Variants in MAGI2 observed in about 807,000 individuals in gnomAD.
The protein encoded by MAGI2 is membrane-associated guanylate kinase, WW and PDZ domain-containing protein 2.
MAGI2 carries 35 observed loss-of-function variants against 133.3 expected under a neutral mutation model. The observed-to-expected ratio is 0.26, with a 90% CI of 0.20 to 0.35. The LOEUF (loss-of-function observed/expected upper bound fraction) is 0.35. Among genes scored for constraint, MAGI2 ranks in the 10% least tolerant of loss-of-function variants. The pLI is 1.00. For synonymous variants in MAGI2, 729 were observed against 710.6 expected, an observed-to-expected ratio of 1.03 and a Z score of -0.41; for missense variants, 1,636 against 1,863.4, an observed-to-expected ratio of 0.88 and a Z score of 2.25.
At chr7:78,846,573 A>C (rs1332661893) in intron 2 of MAGI2, among the ~76,000 whole-genome samples, 1 of 151,996 alleles carries the variant, frequency 6.6e-6, no homozygotes, top group Non-Finnish European at 1.5e-5. Context: ...GGTAAAAAGC[A>C]CTTCACCAAT....
At chr7:79,176,213 C>A (rs1826080261) in intron 1 of MAGI2, among the ~76,000 whole-genome samples, 1 of 151,888 alleles carries the variant, frequency 6.6e-6, no homozygotes. Flanking sequence ...AAGGAAGGAC[C>A]TGCTGCCTCG....
chr7:79,090,123 C>A (rs973699218), intron 1 of MAGI2, among the ~76,000 whole-genome samples: 1 of 151,976 alleles, frequency 6.6e-6, no homozygotes, highest in African/African-American at 2.4e-5. Flanking sequence ...CTTAAAACAA[C>A]TCAAATTTAT....
intron 6 of MAGI2, among the ~76,000 whole-genome samples, chr7:78,433,525 C>G (rs1799988216): frequency 6.6e-6 from 1 of 152,018 alleles, no homozygotes; most frequent in Admixed American, 6.6e-5. Flanking sequence ...TATTTCCTCC[C>G]CCGAATTTTC....
chr7:78,234,672 A>C (rs1377265144), intron 10 of MAGI2, among the ~76,000 whole-genome samples: 1 of 151,848 alleles, frequency 6.6e-6, no homozygotes, highest in Non-Finnish European at 1.5e-5. Flanking sequence ...TGAAAAATGA[A>C]CATGACTTTA....
chr7:79,279,662 C>A (rs940125217), intron 1 of MAGI2, among the ~76,000 whole-genome samples: 2 of 152,140 alleles, frequency 1.3e-5, no homozygotes, highest in Non-Finnish European at 2.9e-5. Context: ...GAGCAAGACC[C>A]GATCTCAAAG....
At chr7:78,369,004 C>T (rs1046298194) in intron 7 of MAGI2, 152 bp downstream of exon 7, 28 of 494,058 alleles carry the variant, frequency 5.7e-5, no homozygotes, top group Admixed American at 2.8e-4. Flanking sequence ...AGGAAAGAAA[C>T]AGCTAGCTAG....
At chr7:79,118,167 C>A (rs1248679838) in intron 1 of MAGI2, among the ~76,000 whole-genome samples, 2 of 152,166 alleles carry the variant, frequency 1.3e-5, no homozygotes, top group Non-Finnish European at 2.9e-5. Context: ...GTTCTCACTT[C>A]CTTGGGCTAC....
intron 1 of MAGI2, among the ~76,000 whole-genome samples, chr7:79,307,686 T>C (rs1837934613): frequency 6.6e-6 from 1 of 152,196 alleles, no homozygotes; most frequent in Admixed American, 6.5e-5. Flanking sequence ...GAATCCTAGA[T>C]TCTTAACCTA....
chr7:78,959,930 T>C (rs755889967), intron 2 of MAGI2, among the ~76,000 whole-genome samples: 5 of 152,170 alleles, frequency 3.3e-5, no homozygotes, highest in African/African-American at 4.8e-5. Flanking sequence ...TAATTAATTA[T>C]TATAACCCAG....
chr7:79,401,336 T>C (rs1319016519), intron 1 of MAGI2, among the ~76,000 whole-genome samples: 2 of 152,174 alleles, frequency 1.3e-5, no homozygotes, highest in African/African-American at 4.8e-5. Flanking sequence ...ACAGCAAAAT[T>C]TATTGAATAA....
At chr7:79,351,040 G>A (rs1327261716) in intron 1 of MAGI2, among the ~76,000 whole-genome samples, 1 of 152,036 alleles carries the variant, frequency 6.6e-6, no homozygotes, top group Non-Finnish European at 1.5e-5. Context: ...CATACCTAAA[G>A]AGTATCTTCA....
At chr7:78,500,227 A>G (rs117452837) in intron 5 of MAGI2, among the ~76,000 whole-genome samples, 4,445 of 152,328 alleles carry the variant, frequency 0.029, 94 homozygotes, top group Non-Finnish European at 0.042. Flanking sequence ...TAACATTTCA[A>G]TTTCACAACT....
intron 2 of MAGI2, among the ~76,000 whole-genome samples, chr7:78,895,365 G>A (rs1797122408): frequency 6.6e-6 from 1 of 152,036 alleles, no homozygotes; most frequent in Admixed American, 6.6e-5. Context: ...CCCAGTCTCA[G>A]GTATTCCATT....
intron 1 of MAGI2, among the ~76,000 whole-genome samples, chr7:79,448,250 A>G (rs1848998065): frequency 6.6e-6 from 1 of 152,056 alleles, no homozygotes; most frequent in Admixed American, 6.6e-5. Context: ...ATTTATTGAT[A>G]TTATTCTTCA....
chr7:78,076,454 C>CAAAA (rs55957020), intron 21 of MAGI2, among the ~76,000 whole-genome samples: 28 of 90,380 alleles, frequency 3.1e-4, no homozygotes, highest in African/African-American at 9.0e-4. Context: ...GACCTTGTTT[C>CAAAA]AAAAAAAAAA....
chr7:79,184,088 T>C (rs1355152508), intron 1 of MAGI2, among the ~76,000 whole-genome samples: 1 of 151,734 alleles, frequency 6.6e-6, no homozygotes, highest in African/African-American at 2.4e-5. Context: ...AAGGTAACCA[T>C]TGTCAATATT....
At chr7:79,046,583 T>G (rs1812203749) in intron 1 of MAGI2, among the ~76,000 whole-genome samples, 1 of 152,364 alleles carries the variant, frequency 6.6e-6, no homozygotes, top group East Asian at 1.9e-4. Flanking sequence ...AAGTTTTATC[T>G]TTCCCATATT....
chr7:78,759,304 T>A (rs1824258503), intron 2 of MAGI2, among the ~76,000 whole-genome samples: 1 of 152,210 alleles, frequency 6.6e-6, no homozygotes, highest in Non-Finnish European at 1.5e-5. Flanking sequence ...TATAGAAATA[T>A]AAATGAATTG....
At chr7:79,353,224 C>A (rs554586780) in intron 1 of MAGI2, among the ~76,000 whole-genome samples, 16 of 152,140 alleles carry the variant, frequency 1.1e-4, no homozygotes, top group African/African-American at 3.9e-4. Flanking sequence ...GGTGGGGATG[C>A]GGCTCAGAGT....
Sources: gnomAD v4.1 joint callset for allele counts (sites outside exome capture counted in the v4.1 genomes callset) on GRCh38, gnomAD v4.1.1 for gene constraint, MANE v1.5 for transcripts, NCBI Gene and HGNC (gene_info 2026-07-23, HGNC 2026-07-21) for gene names.